ERICH2: variants seen among roughly 807,000 people sequenced by gnomAD.
The protein encoded by ERICH2 is glutamate-rich protein 2.
Under a neutral mutation model 17.4 loss-of-function variants are expected in ERICH2, and 17 were observed. The ratio of observed to expected loss-of-function variants is 0.98; its 90% CI spans 0.67 to 1.47. ERICH2 has a LOEUF of 1.47. Among genes scored for constraint, ERICH2 ranks in the 40% most tolerant of loss-of-function variants. The pLI is 0.00. For synonymous variants in ERICH2, 51 were observed against 61.1 expected (o/e 0.83, Z 0.77); for missense variants, 186 against 183.2 (o/e 1.01, Z -0.09).
At chr2:170,783,811 A>C in exon 1 of ERICH2, 1 of 1,550,510 alleles carries the variant, frequency 6.4e-7, no homozygotes, top group Non-Finnish European at 8.7e-7. Context: ...CTAGGTGCAC[A>C]CTGGACAGTC....
chr2:170,777,628 T>G, the ERICH2 span: 1 of 1,227,310 alleles, frequency 8.1e-7, no homozygotes. Flanking sequence ...ACTGAGGGTA[T>G]TTTTTTCTCT....
At chr2:170,776,733 T>G in the ERICH2 span, among the ~76,000 whole-genome samples, 1 of 152,054 alleles carries the variant, frequency 6.6e-6, no homozygotes, top group African/African-American at 2.4e-5. Flanking sequence ...GGCAGATAAG[T>G]TATGTAAAAC....
intron 4 of ERICH2, 90 bp from the exon 10 acceptor site, chr2:170,798,680 T>C: frequency 6.8e-7 from 1 of 1,467,112 alleles, no homozygotes; most frequent in Non-Finnish European, 9.2e-7. Flanking sequence ...AATATATGTA[T>C]TTCTTGGTAG....
upstream of ERICH2, chr2:170,782,321 A>T (rs1461666717): frequency 2.1e-6 from 2 of 974,962 alleles, no homozygotes; most frequent in Admixed American, 6.2e-5. Context: ...AGGAGTATCG[A>T]AAGTAAAGAT....
intron 3 of ERICH2, among the ~76,000 whole-genome samples, chr2:170,794,230 A>G (rs1472767724): frequency 1.4e-5 from 2 of 147,392 alleles, no homozygotes; most frequent in East Asian, 4.0e-4. Flanking sequence ...CTTCAGCCTC[A>G]TAAGCAGCTG....
At chr2:170,778,337 A>G in the ERICH2 span, among the ~76,000 whole-genome samples, 2 of 152,162 alleles carry the variant, frequency 1.3e-5, no homozygotes, top group African/African-American at 4.8e-5. Flanking sequence ...TTGATCATAA[A>G]CACATTTGTG....
chr2:170,773,806 AC>A, the ERICH2 span, among the ~76,000 whole-genome samples: 1 of 152,026 alleles, frequency 6.6e-6, no homozygotes, highest in South Asian at 2.1e-4. Flanking sequence ...GCTCATTGTA[AC>A]CTCAAGCTCC....
the ERICH2 span, chr2:170,775,817 C>G: frequency 6.5e-6 from 1 of 154,484 alleles, no homozygotes; most frequent in Non-Finnish European, 1.5e-5. Context: ...TTATATACAG[C>G]TGCTTTATTC....
chr2:170,774,634 C>G, the ERICH2 span, among the ~76,000 whole-genome samples: 3 of 146,368 alleles, frequency 2.0e-5, no homozygotes, highest in African/African-American at 5.1e-5. Context: ...GGCACGCTCT[C>G]GGCTCACTGC....
upstream of ERICH2, chr2:170,783,712 T>C (rs556377907): frequency 3.2e-4 from 439 of 1,366,326 alleles, 6 homozygotes; most frequent in South Asian, 5.5e-3. Flanking sequence ...GTGAAGTAAA[T>C]GAGACAGTTC....
At chr2:170,774,498 C>T in the ERICH2 span, among the ~76,000 whole-genome samples, 1 of 151,754 alleles carries the variant, frequency 6.6e-6, no homozygotes, top group African/African-American at 2.4e-5. Flanking sequence ...GTGACTTCTC[C>T]AGGCTCACCT....
chr2:170,793,430 G>A (rs1188970266), intron 3 of ERICH2, among the ~76,000 whole-genome samples: 1 of 152,208 alleles, frequency 6.6e-6, no homozygotes, highest in Non-Finnish European at 1.5e-5. Flanking sequence ...AATAAAGTAG[G>A]GAAGAAGGAA....
At chr2:170,793,455 G>A (rs1288584281) in intron 3 of ERICH2, among the ~76,000 whole-genome samples, 2 of 152,214 alleles carry the variant, frequency 1.3e-5, no homozygotes, top group African/African-American at 2.4e-5. Context: ...AGGTACTGGA[G>A]GAAGGCAAAG....
chr2:170,798,871 GA>G lies in ERICH2; in HGVS notation c.449del (p.Asp150AlafsTer14). ...TGAGGAGCTGAGTGACGAGAGCTCT[GA>G]CGAAGGTGAAGATGGATCATGAGTG... On this transcript the variant is annotated frameshift_variant, in exon 5 of 5. Coordinates refer to ENST00000409885, the Ensembl canonical transcript of ERICH2. LOFTEE classifies it high-confidence loss of function. 2 of 1,550,632 alleles carry G rather than the reference GA, an allele frequency of 1.3e-6. No homozygotes were observed. The highest frequency in any genetic ancestry group is 1.7e-6 in the Non-Finnish European group (2 of 1,146,986).
intron 2 of ERICH2, among the ~76,000 whole-genome samples, chr2:170,785,873 C>T (rs1198987431): frequency 6.6e-6 from 1 of 152,128 alleles, no homozygotes; most frequent in African/African-American, 2.4e-5. Flanking sequence ...AACAATTTTA[C>T]CTCGCTTGTT....
chr2:170,787,987 C>G (rs935642457), intron 2 of ERICH2, among the ~76,000 whole-genome samples: 1 of 152,082 alleles, frequency 6.6e-6, no homozygotes, highest in African/African-American at 2.4e-5. Flanking sequence ...CCATCAGGGC[C>G]GAAAGCCTCA....
intron 2 of ERICH2, among the ~76,000 whole-genome samples, chr2:170,785,896 T>G (rs1701149116): frequency 6.6e-6 from 1 of 152,182 alleles, no homozygotes; most frequent in Admixed American, 6.5e-5. Flanking sequence ...GATATCACAG[T>G]CTGCCTTTAA....
chr2:170,787,528 T>C (rs1401989588), intron 2 of ERICH2, among the ~76,000 whole-genome samples: 1 of 152,234 alleles, frequency 6.6e-6, no homozygotes, highest in Non-Finnish European at 1.5e-5. Flanking sequence ...CAACCCTGTC[T>C]GATAGCCAGT....
chr2:170,773,559 T>C, the ERICH2 span, among the ~76,000 whole-genome samples: 5 of 152,210 alleles, frequency 3.3e-5, no homozygotes, highest in African/African-American at 1.2e-4. Context: ...TTTGTTATAG[T>C]ATTTTGAAGC....
Sources: allele counts gnomAD v4.1 joint callset (sites outside exome capture counted in the v4.1 genomes callset), GRCh38; gene constraint gnomAD v4.1.1; transcripts MANE v1.5; gene names NCBI Gene and HGNC (gene_info 2026-07-23, HGNC 2026-07-21).